HIP1R: variants seen among roughly 807,000 people sequenced by gnomAD.
HIP1R encodes huntingtin-interacting protein 1-related protein.
A neutral mutation model predicts 144.2 loss-of-function variants in HIP1R; 135 were observed. The ratio of observed to expected loss-of-function variants is 0.94; its 90% CI spans 0.81 to 1.08. The LOEUF is 1.08. HIP1R is among the 50% of genes least tolerant of loss of function. The pLI is 0.00. For synonymous variants in HIP1R, 698 were observed against 612.8 expected, an observed-to-expected ratio of 1.14 and a Z score of -2.05; for missense variants, 1,462 against 1,432.8, an observed-to-expected ratio of 1.02 and a Z score of -0.33.
At chr12:122,837,706 C>G (rs1401341535) in intron 1 of HIP1R, among the ~76,000 whole-genome samples, 1 of 152,214 alleles carries the variant, frequency 6.6e-6, no homozygotes, top group African/African-American at 2.4e-5. Context: ...GTGAATGTCA[C>G]AGGTCTTACC....
At position 122,858,265 on chromosome 12, in the gene HIP1R, A is replaced by G. The variant is rs1566113601; in HGVS notation, c.1963+16A>G. The G allele has an allele frequency of 6.3e-7, 1 of 1,579,420 alleles. No homozygotes were observed. The highest frequency in any genetic ancestry group is 2.3e-5 in the East Asian group (1 of 44,098). On this transcript the variant is annotated intron_variant, in intron 19 of 31. Transcript: ENST00000253083. ...AGCTCCCCAGGTAGACAGTGGGGCC[A>G]CACTCAGCCGCTCCCCTGCCTCCTT... is the stretch of plus-strand genomic sequence containing the variant.
In HIP1R at chr12:122,855,390, C is replaced by A; in HGVS notation, c.978C>A (p.Pro326=). 1 of 1,572,036 alleles carries A rather than the reference C, an allele frequency of 6.4e-7. No individual in the cohort carries two copies. ...ENLIEISTGP[P]AGEPVVVADL... The stretch of plus-strand genomic sequence containing the variant: ...TCATTGAGATCAGCACAGGGCCCCC[C>A]GCGGGGGAGCCAGTGGTGAGCCCCC... The change falls in exon 11 of 32, where the codon CCC becomes CCA. Residue 326 remains proline (P), a synonymous_variant. Coordinates refer to ENST00000253083, the MANE Select transcript of HIP1R (RefSeq NM_003959.3).
At chr12:122,861,273 G>A in intron 30 of HIP1R, 35 bp from the exon 31 acceptor site, 3 of 1,613,344 alleles carry the variant, frequency 1.9e-6, no homozygotes, top group East Asian at 2.2e-5. Flanking sequence ...TCCCTGGGGA[G>A]GCTGGGCTGG....
At chr12:122,839,903 G>T (rs1181282472) in intron 1 of HIP1R, among the ~76,000 whole-genome samples, 1 of 152,238 alleles carries the variant, frequency 6.6e-6, no homozygotes, top group South Asian at 2.1e-4. Flanking sequence ...GCACCGGCCA[G>T]CGGCTACCGT....
rs2032894757 is a variant in HIP1R, at chr12:122,836,341, C to T, written c.93+698C>T. Among the ~76,000 whole-genome samples, 1 of 152,152 alleles carries T rather than the reference C, an allele frequency of 6.6e-6. No individual in the cohort carries two copies. Among genetic ancestry groups the T allele is most frequent in the African/African-American group, 2.4e-5 (1 of 41,432 alleles). ...TCATTAAATACCGGCGCCCGACAGACAGAAACTTCCTGGGGCTCCCTTCCT... is the reference window on the plus strand; with the variant it reads ...TCATTAAATACCGGCGCCCGACAGATAGAAACTTCCTGGGGCTCCCTTCCT... On this transcript the variant is annotated intron_variant, in intron 1 of 31. Coordinates refer to ENST00000253083, the MANE Select transcript of HIP1R (RefSeq NM_003959.3). The surrounding 1 kb of genome is among the most constrained non-coding windows in gnomAD (Gnocchi z 4.1).
In HIP1R at chr12:122,856,682, G is replaced by T; in HGVS notation, c.1576G>T (p.Gly526Ter). ...CAAGAGGGAGCTGGAGGCCAAGGCC[G>T]GAGAGCTGGCCCGCGCGCAGGAGGC... ...KLKRELEAKA[G>*]ELARAQEALS... Residue 526 changes from glycine (G) to a stop codon, truncating the protein, a stop_gained, in exon 17 of 32, where the codon GGA becomes TGA. Coordinates refer to ENST00000253083, the MANE Select transcript of HIP1R (RefSeq NM_003959.3). LOFTEE classifies it high-confidence loss of function. The T allele has an allele frequency of 6.3e-7, 1 of 1,599,258 alleles. No individual in the cohort carries two copies. Among genetic ancestry groups the T allele is most frequent in the South Asian group, 1.1e-5 (1 of 88,706 alleles).
intron 1 of HIP1R, among the ~76,000 whole-genome samples, chr12:122,845,092 C>T (rs979584129): frequency 2.6e-5 from 4 of 152,356 alleles, no homozygotes; most frequent in South Asian, 2.1e-4. Context: ...AGCCTCAGAG[C>T]GGAGCTGCGT....
At chr12:122,855,516 CA>C in intron 11 of HIP1R, 34 bp from the exon 12 acceptor site, 1 of 1,549,260 alleles carries the variant, frequency 6.5e-7, no homozygotes, top group Non-Finnish European at 8.7e-7. Context: ...CTGGAGGGCA[CA>C]GGTGAGTGGG....
intron 1 of HIP1R, among the ~76,000 whole-genome samples, chr12:122,842,799 C>T (rs2033094659): frequency 6.6e-6 from 1 of 152,248 alleles, no homozygotes; most frequent in South Asian, 2.1e-4. Context: ...TGAGGCAGCA[C>T]TCACTGAGAT....
chr12:122,847,420 C>T (rs1041047162), intron 1 of HIP1R, among the ~76,000 whole-genome samples: 1 of 152,228 alleles, frequency 6.6e-6, no homozygotes, highest in African/African-American at 2.4e-5. Context: ...AGACCCCACT[C>T]CTGCCTTCCT....
At position 122,859,795 on chromosome 12, in the gene HIP1R, C is replaced by T. The variant is rs149876989; in HGVS notation, c.2430C>T (p.His810=). The T allele has an allele frequency of 8.8e-5, 142 of 1,612,954 alleles. No individual in the cohort carries two copies. In the African/African-American group the frequency reaches 1.1e-3, roughly 12 times the overall value. The change falls in exon 24 of 32, where the codon CAC becomes CAT. Residue 810 remains histidine, a synonymous_variant. Transcript: ENST00000253083. Reference sequence around the variant, plus strand: ...AGGACATGATGAACCAGGCACGCCACGCCAGCTCGGGGGTGAAGCTGGAGG... The same window carrying T: ...AGGACATGATGAACCAGGCACGCCATGCCAGCTCGGGGGTGAAGCTGGAGG... ...RIEDMMNQAR[H]ASSGVKLEVN...
At position 122,855,406 on chromosome 12, in the gene HIP1R, G is replaced by A. The variant is rs1175735348; in HGVS notation, c.993+1G>A. 6.4e-7 allele frequency: 1 copy of A among 1,562,806 alleles called. No individual in the cohort carries two copies. The highest frequency in any genetic ancestry group is 8.7e-7 in the Non-Finnish European group (1 of 1,155,068). ...AGGGCCCCCCGCGGGGGAGCCAGTGGTGAGCCCCCTGCCCAGCCCGTGTCC... is the reference window on the plus strand; with the variant it reads ...AGGGCCCCCCGCGGGGGAGCCAGTGATGAGCCCCCTGCCCAGCCCGTGTCC... On this transcript the variant is annotated splice_donor_variant, in intron 11 of 31. Coordinates refer to ENST00000253083, the MANE Select transcript of HIP1R (RefSeq NM_003959.3). LOFTEE classifies it high-confidence loss of function.
In HIP1R at chr12:122,857,018, C is replaced by T. The variant is rs1173697785; in HGVS notation, c.1621-3C>T. ...CATGCCTGGTGTCCATGTCTGTCCA[C>T]AGAGCAAGTCGGAGCTGAGCTCACG... On this transcript the variant is annotated splice_region_variant and splice_polypyrimidine_tract_variant and intron_variant, in intron 17 of 31. Transcript: ENST00000253083. 4 of 1,548,608 alleles carry T rather than the reference C, an allele frequency of 2.6e-6. No individual in the cohort carries two copies. Among genetic ancestry groups the T allele is most frequent in the Non-Finnish European group, 3.5e-6 (4 of 1,146,806 alleles).
At chr12:122,857,284 G>A (rs1024752543) in intron 18 of HIP1R, 69 bp downstream of exon 18, 18 of 1,398,896 alleles carry the variant, frequency 1.3e-5, no homozygotes, top group Admixed American at 3.9e-5. Flanking sequence ...ATCTGTCTCC[G>A]TGATCTGCCT....
At chr12:122,841,758 C>G (rs2033066069) in intron 1 of HIP1R, among the ~76,000 whole-genome samples, 1 of 152,116 alleles carries the variant, frequency 6.6e-6, no homozygotes, top group South Asian at 2.1e-4. Flanking sequence ...ACTTCCAGAG[C>G]CAGCCTGGCA....
At chr12:122,858,034 C>T (rs1466915437) in intron 18 of HIP1R, 68 bp from the exon 19 acceptor site, 4 of 1,445,238 alleles carry the variant, frequency 2.8e-6, no homozygotes, top group East Asian at 2.4e-5. Context: ...ATGGGTCATT[C>T]CAGGGCTGGG....
rs752182295 is a variant in HIP1R, at chr12:122,848,847, C to T, written c.352C>T (p.Leu118=). The part of the protein sequence containing the change: ...YRSNIREIGD[L]WGHLHDRYGQ... Reference sequence around the variant, plus strand: ...CAGCAACATCCGGGAGATTGGAGACCTGTGGGTAGGTCCAGCCATTCTAGG... The same window carrying T: ...CAGCAACATCCGGGAGATTGGAGACTTGTGGGTAGGTCCAGCCATTCTAGG... Residue 118 remains leucine, a synonymous_variant, in exon 4 of 32, where the codon CTG becomes TTG. Transcript: ENST00000253083. The T allele has an allele frequency of 6.2e-7, 1 of 1,613,240 alleles. No individual in the cohort carries two copies. Among genetic ancestry groups the T allele is most frequent in the Non-Finnish European group, 8.5e-7 (1 of 1,179,976 alleles).
Position 122,855,136 on chromosome 12 carries a change from C to T in HIP1R, c.852+8C>T, listed in dbSNP as rs2033526414. 1.9e-6 allele frequency: 3 copies of T among 1,613,298 alleles called. No individual in the cohort carries two copies. The highest frequency in any genetic ancestry group is 1.1e-5 in the South Asian group (1 of 91,080). On this transcript the variant is annotated splice_region_variant and intron_variant, in intron 10 of 31. Transcript: ENST00000253083. ...ATCCCCCGGCTGCCCGAGGTACCAC[C>T]CCCAAGAGGGCCCCGAGGCCCTTTG... is the stretch of plus-strand genomic sequence containing the variant.
chr12:122,847,308 G>A (rs886079522), intron 1 of HIP1R, among the ~76,000 whole-genome samples: 1 of 152,186 alleles, frequency 6.6e-6, no homozygotes, highest in Admixed American at 6.5e-5. Context: ...CGGGGCGGGG[G>A]GGGAGGGGTG....
Sources: allele counts gnomAD v4.1 joint callset (sites outside exome capture counted in the v4.1 genomes callset), GRCh38; gene constraint gnomAD v4.1.1; non-coding constraint Gnocchi (gnomAD v3.1); transcripts MANE v1.5; gene names NCBI Gene and HGNC (gene_info 2026-07-23, HGNC 2026-07-21).